Variants in CRACR2A observed in about 807,000 individuals in gnomAD.
CRACR2A encodes the protein calcium release activated channel regulator 2A.
In CRACR2A, 79 loss-of-function variants were observed where a neutral mutation model predicts 90.5. That is an observed-to-expected ratio of 0.87 (90% CI 0.73 to 1.05). The LOEUF (loss-of-function observed/expected upper bound fraction) is 1.05. Among genes scored for constraint, CRACR2A ranks in the 50% least tolerant of loss-of-function variants. The pLI, the probability that CRACR2A is intolerant of heterozygous loss-of-function variation, is 0.00. For synonymous variants in CRACR2A, 338 were observed against 356.7 expected, an observed-to-expected ratio of 0.95 and a Z score of 0.59; for missense variants, 823 against 897.2, an observed-to-expected ratio of 0.92 and a Z score of 1.06.
chr12:3,632,882 C>A (rs1051443090), intron 15 of CRACR2A, among the ~76,000 whole-genome samples: 14 of 152,200 alleles, frequency 9.2e-5, no homozygotes, highest in African/African-American at 3.1e-4. Context: ...GAGTGATTCA[C>A]CCTTCTGTTG....
At chr12:3,707,849 T>C (rs1356634212) in intron 3 of CRACR2A, among the ~76,000 whole-genome samples, 2 of 152,224 alleles carry the variant, frequency 1.3e-5, no homozygotes, top group African/African-American at 2.4e-5. Context: ...CAATTCTATA[T>C]ATACCAGATC....
intron 3 of CRACR2A, among the ~76,000 whole-genome samples, chr12:3,712,843 C>T (rs1565498466): frequency 6.6e-6 from 1 of 152,106 alleles, no homozygotes; most frequent in Non-Finnish European, 1.5e-5. Flanking sequence ...GGACAGGCTC[C>T]ACAGTGGAAC....
chr12:3,632,891 T>C (rs2137327983), intron 15 of CRACR2A, among the ~76,000 whole-genome samples: 1 of 152,328 alleles, frequency 6.6e-6, no homozygotes, highest in African/African-American at 2.4e-5. Flanking sequence ...ACCCTTCTGT[T>C]GAGTGATTCA....
chr12:3,716,859 G>C (rs929011059), intron 2 of CRACR2A, among the ~76,000 whole-genome samples: 1 of 152,130 alleles, frequency 6.6e-6, no homozygotes, highest in Non-Finnish European at 1.5e-5. Flanking sequence ...ACTAGATCCT[G>C]TTCAGATGTT....
rs1944864404 is a variant in CRACR2A at position 3,654,510 on chromosome 12, C to T, written c.859-111G>A. The T allele has an allele frequency of 1.1e-5, 11 of 1,044,552 alleles. 1 individual carries two copies. The South Asian group carries it at 1.1e-4, about 10-fold the overall frequency. The allele number at this position is 1,044,552 out of a possible 1,614,324, so 64.7% of individuals were successfully genotyped here. ...CTTGGCAGGCAGGAACCGTCACTGC[C>T]ACCCCTCACTGGCCTCAAGCCTAAA... On this transcript the variant is annotated intron_variant, in intron 9 of 19. Transcript: ENST00000440314.
At chr12:3,725,616 T>C (rs557246854) in intron 2 of CRACR2A, among the ~76,000 whole-genome samples, 19 of 152,346 alleles carry the variant, frequency 1.2e-4, no homozygotes, top group Non-Finnish European at 2.6e-4. Flanking sequence ...CATGGGCCTA[T>C]CTTTTTACCA....
intron 1 of CRACR2A, among the ~76,000 whole-genome samples, chr12:3,752,355 CG>C (rs1946721218): frequency 4.0e-5 from 1 of 25,300 alleles, no homozygotes; most frequent in South Asian, 2.1e-3. Flanking sequence ...CACACACACA[CG>C]GACACACACA....
intron 15 of CRACR2A, among the ~76,000 whole-genome samples, chr12:3,629,935 G>A (rs1944350242): frequency 6.6e-6 from 1 of 152,080 alleles, no homozygotes; most frequent in Non-Finnish European, 1.5e-5. Context: ...GAATAACTGG[G>A]GACCAGAGGG....
chr12:3,710,055 T>A (rs1279933004), intron 3 of CRACR2A, among the ~76,000 whole-genome samples: 1 of 152,176 alleles, frequency 6.6e-6, no homozygotes, highest in Non-Finnish European at 1.5e-5. Context: ...AACAAAGCCC[T>A]AAGAACACTG....
At chr12:3,676,108 C>CCATT (rs1375207173) in intron 6 of CRACR2A, among the ~76,000 whole-genome samples, 4 of 151,846 alleles carry the variant, frequency 2.6e-5, no homozygotes, top group Admixed American at 2.6e-4. Context: ...GACCATCCAT[C>CCATT]CATCCATCCA....
chr12:3,714,866 C>A (rs1374230657), intron 2 of CRACR2A, among the ~76,000 whole-genome samples: 1 of 152,216 alleles, frequency 6.6e-6, no homozygotes, highest in African/African-American at 2.4e-5. Flanking sequence ...CTCCTTCAAC[C>A]CTTATAAGGC....
intron 8 of CRACR2A, among the ~76,000 whole-genome samples, chr12:3,657,553 T>C (rs1033186857): frequency 7.2e-5 from 11 of 152,292 alleles, no homozygotes; most frequent in Admixed American, 3.9e-4. Flanking sequence ...TGCCCATTTC[T>C]AGGCTGGTAA....
chr12:3,654,020 T>C (rs1944848053), intron 10 of CRACR2A, among the ~76,000 whole-genome samples, 192 bp downstream of exon 10: 1 of 152,238 alleles, frequency 6.6e-6, no homozygotes, highest in African/African-American at 2.4e-5. Context: ...TCCTAGGCAA[T>C]GCTGGACACA....
Position 3,638,371 on chromosome 12 carries a change from TC to T in CRACR2A, c.1354del (p.Glu452SerfsTer40). ...AGGCCCTGGCTCCCCGGTTCCTGGC[TC>T]CTCTTCTGTTAGGGGATATCCACTC... The part of the protein sequence containing the change: ...GLSGYPLTEE[E>X]PGTGEPGPGG... On this transcript the variant is annotated frameshift_variant, in exon 14 of 20. Coordinates refer to ENST00000440314, the MANE Select transcript of CRACR2A (RefSeq NM_001144958.2). LOFTEE classifies it high-confidence loss of function. The T allele has an allele frequency of 6.4e-7, 1 of 1,551,618 alleles. No homozygotes were observed. Among genetic ancestry groups the T allele is most frequent in the Non-Finnish European group, 8.7e-7 (1 of 1,146,956 alleles).
chr12:3,646,888 T>C (rs999587836), intron 11 of CRACR2A, among the ~76,000 whole-genome samples: 4 of 152,202 alleles, frequency 2.6e-5, no homozygotes, highest in African/African-American at 9.7e-5. Context: ...ATCGCTGCTC[T>C]ACTGTGATTC....
intron 15 of CRACR2A, among the ~76,000 whole-genome samples, chr12:3,632,750 C>T (rs1944398019): frequency 6.6e-6 from 1 of 152,190 alleles, no homozygotes. Context: ...TTGTCGTGGA[C>T]ATAGATGGAA....
chr12:3,629,859 GGA>G (rs367882497), intron 15 of CRACR2A, among the ~76,000 whole-genome samples: 44 of 137,460 alleles, frequency 3.2e-4, no homozygotes, highest in South Asian at 9.8e-4. Flanking sequence ...GGGGGGGGGG[GGA>G]TGAAGAGGTG....
At position 3,648,032 on chromosome 12, in the gene CRACR2A, A is replaced by G. The variant is rs367559652; in HGVS notation, c.1118+510T>C. ...CTGTTTGTGATTCATTTACTCATTC[A>G]ACAAACATGAACAGAACACAGCCGA... On this transcript the variant is annotated intron_variant, in intron 11 of 19. Transcript: ENST00000440314. 4.1e-5 allele frequency: 40 copies of G among 986,560 alleles called. No individual in the cohort carries two copies. The African/African-American group carries it at 6.1e-4, about 15-fold the overall frequency. The allele number at this position is 986,560 out of a possible 1,614,324, so 61.1% of individuals were successfully genotyped here. A position where few individuals can be genotyped will look rare whatever the true frequency, so the allele number is the denominator to read the frequency against.
At chr12:3,728,260 C>G (rs1565504408) in intron 2 of CRACR2A, 1 of 152,274 alleles carries the variant, frequency 6.6e-6, no homozygotes, top group Admixed American at 6.5e-5. Context: ...AGCACTCACA[C>G]CAGCTGCAGC....
Sources: gnomAD v4.1 joint callset for allele counts (sites outside exome capture counted in the v4.1 genomes callset) on GRCh38, gnomAD v4.1.1 for gene constraint, MANE v1.5 for transcripts, NCBI Gene and HGNC (gene_info 2026-07-23, HGNC 2026-07-21) for gene names.